RIC3: variants seen among roughly 807,000 people sequenced by gnomAD.
RIC3 encodes the protein RIC3 acetylcholine receptor chaperone, also known as protein RIC-3.
RIC3 carries 28 observed loss-of-function variants against 27.3 expected under a neutral mutation model. The observed-to-expected ratio is 1.02, with a 90% CI of 0.76 to 1.41. The LOEUF (loss-of-function observed/expected upper bound fraction) is 1.41. Ranked by LOEUF, RIC3 falls within the 40% of genes most tolerant of loss-of-function variation. The pLI is 0.00. For missense variants in RIC3, 501 were observed against 444.7 expected, an observed-to-expected ratio of 1.13 and a Z score of -1.14; for synonymous variants, 184 against 160.4, an observed-to-expected ratio of 1.15 and a Z score of -1.11.
At chr11:8,147,427 G>C (rs918021830) in intron 1 of RIC3, among the ~76,000 whole-genome samples, 13 of 151,852 alleles carry the variant, frequency 8.6e-5, no homozygotes, top group African/African-American at 3.1e-4. Flanking sequence ...TTAGTTGATT[G>C]TCTCCTGGGT....
rs894673473 is a variant in RIC3 at position 8,142,453 on chromosome 11, T to C, written c.125-2260A>G. ...AGAAATGGATAAATTCCTCAACACATACACTCTCCCAAGACTAAACCAGGA... is the reference window on the plus strand; with the variant it reads ...AGAAATGGATAAATTCCTCAACACACACACTCTCCCAAGACTAAACCAGGA... On this transcript the variant is annotated intron_variant, in intron 1 of 5. Transcript: ENST00000309737. 3.8e-4 allele frequency among the ~76,000 whole-genome samples: 58 copies of C among 151,232 alleles called. 1 individual carries two copies. The highest frequency in any genetic ancestry group is 1.3e-3 in the African/African-American group (52 of 41,182).
chr11:8,096,470 T>G, the RIC3 span, among the ~76,000 whole-genome samples: 1 of 152,174 alleles, frequency 6.6e-6, no homozygotes, highest in Non-Finnish European at 1.5e-5. Context: ...CCGGCTCATG[T>G]GTGTACCTGA....
the RIC3 span, chr11:8,097,876 G>A: frequency 6.9e-7 from 1 of 1,446,756 alleles, no homozygotes; most frequent in East Asian, 2.3e-5. Flanking sequence ...GAGGGGCAGG[G>A]GCAAGCTGTC....
At chr11:8,114,074 C>T (rs1192549277) in intron 5 of RIC3, among the ~76,000 whole-genome samples, 1 of 152,210 alleles carries the variant, frequency 6.6e-6, no homozygotes, top group Non-Finnish European at 1.5e-5. Flanking sequence ...TGCCTAAGGA[C>T]TCTACCAGCA....
the RIC3 span, chr11:8,098,899 C>A: frequency 6.5e-7 from 1 of 1,539,648 alleles, no homozygotes; most frequent in Non-Finnish European, 9.0e-7. Flanking sequence ...TCGGGGGTCT[C>A]TGATTTCCAA....
rs1170326008 is a variant in RIC3 at position 8,108,437 on chromosome 11, A to G, written c.*2261T>C. ...ATGTCTGAATTACAGCATAGCCCTTATAATAAAAACATAATTACCACTTAA... is the reference window on the plus strand; with the variant it reads ...ATGTCTGAATTACAGCATAGCCCTTGTAATAAAAACATAATTACCACTTAA... On this transcript the variant is annotated 3_prime_UTR_variant, in exon 6 of 6. Coordinates refer to ENST00000309737, the MANE Select transcript of RIC3 (RefSeq NM_001206671.4). The G allele has an allele frequency of 6.6e-6, 1 of 152,194 alleles. No homozygotes were observed. The highest frequency in any genetic ancestry group is 2.4e-5 in the African/African-American group (1 of 41,436). The allele number at this position is 152,194 out of a possible 1,614,324, so 9.4% of individuals were successfully genotyped here. A position where few individuals can be genotyped will look rare whatever the true frequency, so the allele number is the denominator to read the frequency against.
intron 5 of RIC3, among the ~76,000 whole-genome samples, chr11:8,123,341 T>C (rs1946665818): frequency 6.6e-6 from 1 of 152,102 alleles, no homozygotes; most frequent in African/African-American, 2.4e-5. Flanking sequence ...GGGTCTAAGC[T>C]TCCACCTTGA....
chr11:8,168,724 A>T, intron 1 of RIC3, 142 bp downstream of exon 1: 1 of 1,272,150 alleles, frequency 7.9e-7, no homozygotes, highest in South Asian at 1.6e-5. Flanking sequence ...TGGCCCTTCA[A>T]CGCCGTCTCG....
At chr11:8,120,926 C>G (rs1476876089) in intron 5 of RIC3, among the ~76,000 whole-genome samples, 2 of 151,988 alleles carry the variant, frequency 1.3e-5, no homozygotes, top group East Asian at 1.9e-4. Context: ...AATTTGTGTA[C>G]AGGTGAAAAA....
At chr11:8,156,299 C>A (rs1369191927) in intron 1 of RIC3, among the ~76,000 whole-genome samples, 1 of 152,206 alleles carries the variant, frequency 6.6e-6, no homozygotes, top group African/African-American at 2.4e-5. Context: ...GAATGAGTGC[C>A]ACCTTTTCAG....
the RIC3 span, chr11:8,094,310 G>C: frequency 2.3e-6 from 3 of 1,305,846 alleles, no homozygotes; most frequent in Non-Finnish European, 3.1e-6. Context: ...GGAAGACACA[G>C]ACTGCCACTC....
rs115244691 is a variant in RIC3 at position 8,146,689 on chromosome 11, T to C, written c.125-6496A>G. ...AGACATGAGACTTCAATCAAATACA[T>C]TGGTTTGGTCCAGAAAGGCAGGATA... On this transcript the variant is annotated intron_variant, in intron 1 of 5. Coordinates refer to ENST00000309737, the MANE Select transcript of RIC3 (RefSeq NM_001206671.4). 7.3e-3 allele frequency among the ~76,000 whole-genome samples: 1,109 copies of C among 152,028 alleles called. 14 individuals carry two copies. Among genetic ancestry groups the C allele is most frequent in the African/African-American group, 0.025 (1,031 of 41,466 alleles).
chr11:8,135,302 A>T (rs1259902324), intron 4 of RIC3, among the ~76,000 whole-genome samples: 1 of 152,070 alleles, frequency 6.6e-6, no homozygotes, highest in Admixed American at 6.6e-5. Context: ...TAGATGTGTG[A>T]TATTACTTCT....
intron 1 of RIC3, among the ~76,000 whole-genome samples, chr11:8,164,240 G>C (rs1951464800): frequency 6.6e-6 from 1 of 152,084 alleles, no homozygotes; most frequent in African/African-American, 2.4e-5. Flanking sequence ...TGAAAACATA[G>C]GCATAAATCT....
chr11:8,093,910 T>C, the RIC3 span: 60 of 976,948 alleles, frequency 6.1e-5, no homozygotes, highest in Middle Eastern at 5.2e-4. Context: ...CTGTGGGCTG[T>C]AGAAGTGGTA....
At chr11:8,097,811 A>C in the RIC3 span, 1 of 1,613,736 alleles carries the variant, frequency 6.2e-7, no homozygotes, top group East Asian at 2.2e-5. Flanking sequence ...GGGGACAGCT[A>C]TATCGGGAAA....
chr11:8,132,571 T>C (rs780083240), intron 4 of RIC3, among the ~76,000 whole-genome samples: 18 of 152,204 alleles, frequency 1.2e-4, no homozygotes, highest in Non-Finnish European at 1.9e-4. Flanking sequence ...TATTTAAATA[T>C]GTGTACAGAC....
the RIC3 span, chr11:8,097,373 G>A: frequency 9.9e-6 from 16 of 1,614,084 alleles, no homozygotes; most frequent in East Asian, 4.5e-5. Context: ...GGGATGGACC[G>A]GGGCATGTAC....
intron 2 of RIC3, chr11:8,139,683 G>A (rs1462644546): frequency 8.1e-6 from 1 of 124,054 alleles, no homozygotes; most frequent in African/African-American, 4.9e-5. Flanking sequence ...GCATTGAATT[G>A]TATCACTCAC....
Sources: allele counts gnomAD v4.1 joint callset (sites outside exome capture counted in the v4.1 genomes callset), GRCh38; gene constraint gnomAD v4.1.1; transcripts MANE v1.5; gene names NCBI Gene and HGNC (gene_info 2026-07-23, HGNC 2026-07-21).